Variants in CA8 observed in about 807,000 individuals in gnomAD.
CA8 encodes the protein carbonic anhydrase-related protein.
CA8 carries 22 observed loss-of-function variants against 41.4 expected under a neutral mutation model. That is an observed-to-expected ratio of 0.53 (90% confidence interval 0.38 to 0.76). The LOEUF (loss-of-function observed/expected upper bound fraction) is 0.76, where lower values mean the gene tolerates loss of function less well. Among genes scored for constraint, CA8 ranks in the 30% least tolerant of loss-of-function variants. The pLI, the probability that CA8 is intolerant of heterozygous loss-of-function variation, is 0.00. For synonymous variants in CA8, 121 were observed against 130.6 expected, an observed-to-expected ratio of 0.93 and a Z score of 0.50; for missense variants, 270 against 352.8, an observed-to-expected ratio of 0.77 and a Z score of 1.88.
At chr8:60,275,307 T>C (rs1804195800) in intron 2 of CA8, among the ~76,000 whole-genome samples, 1 of 152,174 alleles carries the variant, frequency 6.6e-6, no homozygotes, top group East Asian at 1.9e-4. Flanking sequence ...ATCACTGGAC[T>C]TTTGAGGAGA....
chr8:60,254,679 A>C (rs1808565813), intron 3 of CA8, among the ~76,000 whole-genome samples: 1 of 152,254 alleles, frequency 6.6e-6, no homozygotes, highest in Non-Finnish European at 1.5e-5. Flanking sequence ...GTCTTTGAAA[A>C]GTGAATCATC....
At chr8:60,211,440 T>C (rs752152615) in intron 7 of CA8, among the ~76,000 whole-genome samples, 3 of 152,244 alleles carry the variant, frequency 2.0e-5, no homozygotes, top group Non-Finnish European at 4.4e-5. Flanking sequence ...CTATGAAGCA[T>C]GCACAGGTCA....
intron 6 of CA8, 109 bp downstream of exon 6, chr8:60,224,428 G>T: frequency 1.4e-6 from 1 of 726,778 alleles, no homozygotes; most frequent in Non-Finnish European, 2.4e-6. Flanking sequence ...AATACAAATT[G>T]CAAATAAGTT....
intron 3 of CA8, among the ~76,000 whole-genome samples, chr8:60,264,462 A>G (rs6471858): frequency 0.51 from 77,044 of 152,088 alleles, 21,558 homozygotes; most frequent in African/African-American, 0.77. Flanking sequence ...GTCTTGGATT[A>G]TTTTGTGTCT....
At chr8:60,240,606 A>G (rs902666014) in intron 3 of CA8, among the ~76,000 whole-genome samples, 2 of 152,242 alleles carry the variant, frequency 1.3e-5, no homozygotes, top group Non-Finnish European at 2.9e-5. Context: ...TACCCAATGT[A>G]TAGTCATTAA....
At chr8:60,192,003 AT>A (rs1335970927) in intron 8 of CA8, among the ~76,000 whole-genome samples, 2 of 148,484 alleles carry the variant, frequency 1.3e-5, no homozygotes, top group Non-Finnish European at 2.9e-5. Flanking sequence ...CTGCTGGTGA[AT>A]TTGCACACTC....
At chr8:60,190,432 AATATATATATATATATATATATATAT>A (rs57878452) in intron 8 of CA8, among the ~76,000 whole-genome samples, 4 of 99,342 alleles carry the variant, frequency 4.0e-5, no homozygotes, top group Admixed American at 1.1e-4. Flanking sequence ...ATAAATGCAG[AATATATATATATATATATATATATAT>A]ATATATATAT....
chr8:60,194,327 G>A (rs1372545662), intron 8 of CA8, among the ~76,000 whole-genome samples: 10 of 152,118 alleles, frequency 6.6e-5, no homozygotes, highest in African/African-American at 9.7e-5. Flanking sequence ...GAGTGGAGGC[G>A]GAGGGCACCG....
chr8:60,201,982 T>TC (rs890122832), intron 8 of CA8, among the ~76,000 whole-genome samples: 105 of 142,708 alleles, frequency 7.4e-4, no homozygotes, highest in Admixed American at 4.0e-3. Context: ...TCCATCAGTT[T>TC]CATTGGTTGT....
chr8:60,253,474 A>G (rs1484179560), intron 3 of CA8, among the ~76,000 whole-genome samples: 1 of 152,004 alleles, frequency 6.6e-6, no homozygotes, highest in Admixed American at 6.6e-5. Flanking sequence ...GACTCCATTT[A>G]TCCTCAACTG....
intron 3 of CA8, among the ~76,000 whole-genome samples, chr8:60,236,944 C>G (rs1377974304): frequency 6.6e-6 from 1 of 152,152 alleles, no homozygotes; most frequent in African/African-American, 2.4e-5. Context: ...ATCTTATGAA[C>G]TGGCTTATTA....
chr8:60,199,821 T>C (rs1806372666), intron 8 of CA8, among the ~76,000 whole-genome samples: 2 of 152,224 alleles, frequency 1.3e-5, no homozygotes, highest in African/African-American at 4.8e-5. Context: ...GCCCAAAGGA[T>C]GAGGCCAATC....
At chr8:60,247,402 C>G (rs574939430) in intron 3 of CA8, among the ~76,000 whole-genome samples, 1 of 152,244 alleles carries the variant, frequency 6.6e-6, no homozygotes. Context: ...TCTCTCCCTC[C>G]CCTTCCGCTC....
chr8:60,230,218 T>G (rs1260798395), intron 4 of CA8, among the ~76,000 whole-genome samples: 3 of 152,198 alleles, frequency 2.0e-5, no homozygotes, highest in Non-Finnish European at 2.9e-5. Flanking sequence ...GCCCTCTGTT[T>G]TGGAGAAGGG....
chr8:60,226,866 G>C lies in CA8; in HGVS notation c.576+7C>G. ...GTATTTCTATATTATTTTAAATAAT[G>C]ACTTACCTTATACTGAATATCTTGG... On this transcript the variant is annotated splice_region_variant and intron_variant, in intron 5 of 8. Transcript: ENST00000317995. The C allele has an allele frequency of 6.5e-7, 1 of 1,535,234 alleles. No homozygotes were observed. Among genetic ancestry groups the C allele is most frequent in the Non-Finnish European group, 9.0e-7 (1 of 1,108,630 alleles).
chr8:60,278,925 AAGAC>A (rs1804324953), intron 2 of CA8, among the ~76,000 whole-genome samples: 1 of 152,206 alleles, frequency 6.6e-6, no homozygotes, highest in Non-Finnish European at 1.5e-5. Context: ...CCAAAAGAAA[AAGAC>A]AGTTATTATT....
rs1339445437 is a variant in CA8 at position 60,186,044 on chromosome 8, G to C, written c.*3977C>G. The stretch of plus-strand genomic sequence containing the variant: ...TAAATAAGAACAAAGTAGTACTGGA[G>C]TAAGAAATCACACCAGATGGTGACT... On this transcript the variant is annotated 3_prime_UTR_variant, in exon 9 of 9. Transcript: ENST00000317995. Among the ~76,000 whole-genome samples, 3 of 152,062 alleles carry C rather than the reference G, an allele frequency of 2.0e-5. No homozygotes were observed. The highest frequency in any genetic ancestry group is 2.0e-4 in the Admixed American group (3 of 15,282).
In CA8 at chr8:60,237,837, T is replaced by TC. The variant is rs1449448401; in HGVS notation, c.418-5459dup. On this transcript the variant is annotated intron_variant, in intron 3 of 8. Transcript: ENST00000317995. ...TCCGTAACAATTAAAGCTGAGTCCT[T>TC]CCTCACTCCTTATAACTCTTCCCCC... 7.9e-5 allele frequency among the ~76,000 whole-genome samples: 12 copies of TC among 152,290 alleles called. No individual in the cohort carries two copies. In the East Asian group the frequency reaches 2.1e-3, roughly 27 times the overall value.
rs149811582 is a variant in CA8 at position 60,239,429 on chromosome 8, G to A, written c.418-7050C>T. Among the ~76,000 whole-genome samples, 218 of 152,244 alleles carry A rather than the reference G, an allele frequency of 1.4e-3. 2 individuals are homozygous for A. Among genetic ancestry groups the A allele is most frequent in the Middle Eastern group, 3.4e-3 (1 of 294 alleles). ...TCTTTTGGCTTCCCTGGGCCACACT[G>A]GAAGAAGAAGAACTGTCTTGGGCCA... On this transcript the variant is annotated intron_variant, in intron 3 of 8. Transcript: ENST00000317995.
Sources: gnomAD v4.1 joint callset for allele counts (sites outside exome capture counted in the v4.1 genomes callset) on GRCh38, gnomAD v4.1.1 for gene constraint, MANE v1.5 for transcripts, NCBI Gene and HGNC (gene_info 2026-07-23, HGNC 2026-07-21) for gene names.